The following NCOA2 variants were observed in gnomAD, a reference collection of about 807,000 sequenced individuals.
NCOA2 encodes the protein class E basic helix-loop-helix protein 75.
NCOA2 carries 21 observed loss-of-function variants against 145.1 expected under a neutral mutation model. The observed-to-expected ratio is 0.14, with a 90% CI of 0.10 to 0.21. The LOEUF is 0.21. Among genes scored for constraint, NCOA2 ranks in the 10% least tolerant of loss-of-function variants. NCOA2 has a pLI of 1.00. For missense variants in NCOA2, 1,472 were observed against 1,837.6 expected, an observed-to-expected ratio of 0.80 and a Z score of 3.64; for synonymous variants, 619 against 637.5, an observed-to-expected ratio of 0.97 and a Z score of 0.44.
chr8:70,405,954 T>C (rs1057330184), upstream of NCOA2, among the ~76,000 whole-genome samples: 16 of 152,230 alleles, frequency 1.1e-4, no homozygotes, highest in African/African-American at 3.9e-4. Flanking sequence ...CTCAATTGCC[T>C]GAGCTTGAAT....
intron 2 of NCOA2, among the ~76,000 whole-genome samples, chr8:70,244,084 C>T (rs1229763192): frequency 1.3e-5 from 2 of 152,020 alleles, no homozygotes; most frequent in Non-Finnish European, 2.9e-5. Context: ...TGTCTATACA[C>T]CTTAGAAATT....
chr8:70,252,821 T>G (rs577054053), intron 2 of NCOA2, among the ~76,000 whole-genome samples: 1 of 152,312 alleles, frequency 6.6e-6, no homozygotes, highest in South Asian at 2.1e-4. Context: ...TGTAGAGATG[T>G]TATATTCTGA....
At chr8:70,300,451 C>G (rs897466164) in intron 1 of NCOA2, among the ~76,000 whole-genome samples, 14 of 152,158 alleles carry the variant, frequency 9.2e-5, no homozygotes, top group South Asian at 8.3e-4. Flanking sequence ...AAAGGTAGTT[C>G]TAGCTGCATA....
At chr8:70,362,091 G>A (rs1810255095) in intron 1 of NCOA2, among the ~76,000 whole-genome samples, 1 of 152,152 alleles carries the variant, frequency 6.6e-6, no homozygotes, top group Non-Finnish European at 1.5e-5. Context: ...AAACATTGGT[G>A]TGACAGGATT....
chr8:70,450,991 G>A, the NCOA2 span, among the ~76,000 whole-genome samples: 8 of 150,698 alleles, frequency 5.3e-5, no homozygotes, highest in South Asian at 2.1e-4. Flanking sequence ...TGAGTAGGGC[G>A]GATCACTTGA....
At chr8:70,426,345 A>G in the NCOA2 span, among the ~76,000 whole-genome samples, 7 of 152,254 alleles carry the variant, frequency 4.6e-5, no homozygotes, top group African/African-American at 7.2e-5. Flanking sequence ...CTGCCTTTCA[A>G]CAGATCAGTG....
intron 2 of NCOA2, among the ~76,000 whole-genome samples, chr8:70,271,047 T>A (rs1456031039): frequency 6.6e-6 from 1 of 152,252 alleles, no homozygotes; most frequent in Non-Finnish European, 1.5e-5. Flanking sequence ...ATTTTTTGTT[T>A]GTTTGTAATA....
At chr8:70,379,684 T>C (rs1019448890) in intron 1 of NCOA2, among the ~76,000 whole-genome samples, 1 of 152,162 alleles carries the variant, frequency 6.6e-6, no homozygotes, top group Non-Finnish European at 1.5e-5. Context: ...AAAATTTTAA[T>C]ATATTACATA....
At chr8:70,276,871 T>C (rs1825508100) in intron 2 of NCOA2, among the ~76,000 whole-genome samples, 1 of 152,218 alleles carries the variant, frequency 6.6e-6, no homozygotes, top group Non-Finnish European at 1.5e-5. Flanking sequence ...ATCATCTACA[T>C]GGCATTCTAA....
intron 1 of NCOA2, among the ~76,000 whole-genome samples, chr8:70,371,713 G>A (rs115339496): frequency 0.02 from 3,074 of 152,194 alleles, 125 homozygotes; most frequent in African/African-American, 0.07. Context: ...TGTACTACAC[G>A]TGGGCAAACA....
intron 2 of NCOA2, among the ~76,000 whole-genome samples, chr8:70,220,611 G>A (rs1820053931): frequency 6.6e-6 from 1 of 152,174 alleles, no homozygotes; most frequent in Non-Finnish European, 1.5e-5. Flanking sequence ...AACAAAGCCA[G>A]TTGAATCCTT....
Position 70,289,796 on chromosome 8 carries a change from C to A in NCOA2, c.-20+6948G>T, listed in dbSNP as rs184674692. Among the ~76,000 whole-genome samples, 4 of 152,170 alleles carry A rather than the reference C, an allele frequency of 2.6e-5. No individual in the cohort carries two copies. The East Asian group carries it at 7.7e-4, about 29-fold the overall frequency. ...CATTGATTTAAACTGTATGTTGACTCCCTACTTGGCCATTATTAAGTGCTA... is the reference window on the plus strand; with the variant it reads ...CATTGATTTAAACTGTATGTTGACTACCTACTTGGCCATTATTAAGTGCTA... On this transcript the variant is annotated intron_variant, in intron 2 of 22. Transcript: ENST00000452400.
At chr8:70,243,551 G>C (rs751481313) in intron 2 of NCOA2, among the ~76,000 whole-genome samples, 2 of 151,942 alleles carry the variant, frequency 1.3e-5, no homozygotes, top group African/African-American at 4.8e-5. Context: ...TATTACAAAA[G>C]TCTTGGCTCA....
In NCOA2 at chr8:70,113,649, G is replaced by C. The variant is rs1806747965; in HGVS notation, c.4384-6C>G. The C allele has an allele frequency of 6.4e-7, 1 of 1,551,664 alleles. No individual in the cohort carries two copies. Among genetic ancestry groups the C allele is most frequent in the South Asian group, 1.2e-5 (1 of 84,056 alleles). On this transcript the variant is annotated splice_polypyrimidine_tract_variant and splice_region_variant and intron_variant, in intron 22 of 22. Coordinates refer to ENST00000452400, the MANE Select transcript of NCOA2 (RefSeq NM_006540.4). The stretch of plus-strand genomic sequence containing the variant: ...CAGCAGTGTCAGCAATATTTCTGTA[G>C]GAAAACAGATAAAAAGTTGTGAAAC...
At chr8:70,347,879 G>T (rs1003968376) in intron 1 of NCOA2, among the ~76,000 whole-genome samples, 3 of 152,122 alleles carry the variant, frequency 2.0e-5, no homozygotes, top group Non-Finnish European at 4.4e-5. Flanking sequence ...TAAATTTACT[G>T]GACTTCTGTA....
Position 70,113,005 on chromosome 8 carries a change from A to C in NCOA2, c.*627T>G, listed in dbSNP as rs1437570895. ...CTTTTCATCTGTTCAGTAACTGGAG[A>C]CTCTTTCCAACATGGTCTTTAGAGC... On this transcript the variant is annotated 3_prime_UTR_variant, in exon 23 of 23. Transcript: ENST00000452400. 5.0e-6 allele frequency: 1 copy of C among 200,462 alleles called. No individual in the cohort carries two copies. Among genetic ancestry groups the C allele is most frequent in the East Asian group, 7.7e-5 (1 of 13,042 alleles). 12.4% of individuals were successfully genotyped at this position (200,462 alleles called of 1,614,324 possible). A position where few individuals can be genotyped will look rare whatever the true frequency, so the allele number is the denominator to read the frequency against.
At chr8:70,445,710 T>A in the NCOA2 span, among the ~76,000 whole-genome samples, 2 of 152,320 alleles carry the variant, frequency 1.3e-5, no homozygotes, top group East Asian at 3.9e-4. Context: ...CTTCTCCATG[T>A]TCTGCAGCCT....
chr8:70,396,349 A>G (rs1813670457), intron 1 of NCOA2, among the ~76,000 whole-genome samples: 1 of 152,232 alleles, frequency 6.6e-6, no homozygotes. Context: ...TGAGAACAAC[A>G]GGCAACCTGA....
the NCOA2 span, among the ~76,000 whole-genome samples, chr8:70,426,761 T>C: frequency 6.6e-6 from 1 of 152,332 alleles, no homozygotes; most frequent in South Asian, 2.1e-4. Context: ...TGAATGAATA[T>C]GGTGGTGAGG....
Sources: gnomAD v4.1 joint callset for allele counts (sites outside exome capture counted in the v4.1 genomes callset) on GRCh38, gnomAD v4.1.1 for gene constraint, MANE v1.5 for transcripts, NCBI Gene and HGNC (gene_info 2026-07-23, HGNC 2026-07-21) for gene names.